SMARCAD1: variants seen among roughly 807,000 people sequenced by gnomAD.
The protein encoded by SMARCAD1 is SNF2 related chromatin remodeling ATPase with DExD box 1, also known as SWI/SNF-related matrix-associated actin-dependent regulator of chromatin subfamily A containing DEAD/H box 1.
A neutral mutation model predicts 127.1 loss-of-function variants in SMARCAD1; 25 were observed. The ratio of observed to expected loss-of-function variants is 0.20; its 90% CI spans 0.14 to 0.27. SMARCAD1 has a LOEUF of 0.27. Ranked by LOEUF, SMARCAD1 falls within the 10% of genes least tolerant of loss-of-function variation. SMARCAD1 has a pLI of 1.00. For missense variants in SMARCAD1, 807 were observed against 1,206.0 expected (o/e 0.67, Z 4.90); for synonymous variants, 400 against 396.9 (o/e 1.01, Z -0.09).
At chr4:94,240,747 T>G (rs1455898952) in intron 5 of SMARCAD1, among the ~76,000 whole-genome samples, 159 bp from the exon 6 acceptor site, 3 of 152,252 alleles carry the variant, frequency 2.0e-5, no homozygotes, top group Non-Finnish European at 4.4e-5. Context: ...ATGTTTACTT[T>G]TTTTTTCAAT....
At chr4:94,220,437 A>G (rs1220079288) in intron 2 of SMARCAD1, among the ~76,000 whole-genome samples, 1 of 151,984 alleles carries the variant, frequency 6.6e-6, no homozygotes, top group African/African-American at 2.4e-5. Flanking sequence ...TAGTAGACAC[A>G]GGGTTTCACC....
At chr4:94,242,666 G>A (rs1364921851) in intron 6 of SMARCAD1, among the ~76,000 whole-genome samples, 2 of 151,880 alleles carry the variant, frequency 1.3e-5, no homozygotes, top group African/African-American at 2.4e-5. Context: ...CATCTTGGGA[G>A]GCTGAGGCAG....
chr4:94,276,220 T>G (rs1753284444), intron 14 of SMARCAD1, 119 bp from the exon 15 acceptor site: 2 of 1,033,414 alleles, frequency 1.9e-6, no homozygotes, highest in South Asian at 1.4e-5. Flanking sequence ...AGTGCTGTGC[T>G]TTAAGTACTG....
chr4:94,280,841 A>G (rs1753907777), intron 20 of SMARCAD1, 61 bp downstream of exon 20: 5 of 1,483,066 alleles, frequency 3.4e-6, no homozygotes, highest in Admixed American at 1.7e-5. Context: ...TCTTAAAGCA[A>G]TTCTGGCACA....
chr4:94,258,909 T>C (rs947477057), intron 9 of SMARCAD1, among the ~76,000 whole-genome samples: 1 of 152,248 alleles, frequency 6.6e-6, no homozygotes, highest in Non-Finnish European at 1.5e-5. Context: ...TTTGTTGTTT[T>C]CTGTTTGTCC....
chr4:94,256,897 T>C (rs931035610), intron 9 of SMARCAD1, among the ~76,000 whole-genome samples: 7 of 152,208 alleles, frequency 4.6e-5, no homozygotes, highest in African/African-American at 1.4e-4. Context: ...TTTATAATAA[T>C]GAATAAGCTT....
chr4:94,240,716 A>G (rs986848040), intron 5 of SMARCAD1, among the ~76,000 whole-genome samples, 190 bp from the exon 6 acceptor site: 1 of 152,208 alleles, frequency 6.6e-6, no homozygotes. Flanking sequence ...AGTGATTTCT[A>G]CTTCTGAAAG....
chr4:94,243,915 T>C (rs775644871), intron 6 of SMARCAD1, among the ~76,000 whole-genome samples: 1 of 152,184 alleles, frequency 6.6e-6, no homozygotes, highest in African/African-American at 2.4e-5. Context: ...AGGGAATGTT[T>C]TGAGTATTAA....
At chr4:94,274,713 A>G in intron 12 of SMARCAD1, 25 bp from the exon 13 acceptor site, 1 of 1,608,140 alleles carries the variant, frequency 6.2e-7, no homozygotes, top group Non-Finnish European at 8.5e-7. Flanking sequence ...TAGCAGATGC[A>G]AATAATGTCT....
intron 20 of SMARCAD1, among the ~76,000 whole-genome samples, 165 bp from the exon 21 acceptor site, chr4:94,281,307 G>A (rs953709932): frequency 1.3e-5 from 2 of 152,180 alleles, no homozygotes; most frequent in Admixed American, 1.3e-4. Flanking sequence ...TAAGACATAC[G>A]TCTTCGGTAT....
chr4:94,276,309 C>A (rs1252424338), intron 14 of SMARCAD1, 30 bp from the exon 15 acceptor site: 2 of 1,612,908 alleles, frequency 1.2e-6, no homozygotes, highest in Non-Finnish European at 1.7e-6. Flanking sequence ...AAAGGTATAA[C>A]CTTAGAGATG....
chr4:94,223,673 A>G (rs1744523277), intron 2 of SMARCAD1, among the ~76,000 whole-genome samples: 1 of 146,426 alleles, frequency 6.8e-6, no homozygotes, highest in African/African-American at 2.5e-5. Context: ...GGTTCAGGTG[A>G]GTCTCCTGCC....
intron 2 of SMARCAD1, among the ~76,000 whole-genome samples, chr4:94,218,998 G>A (rs954590192): frequency 1.3e-5 from 2 of 151,940 alleles, no homozygotes; most frequent in Admixed American, 6.6e-5. Context: ...TTTTAGTAGG[G>A]ACAGGGTTTC....
At chr4:94,273,566 T>G (rs1560560207) in intron 11 of SMARCAD1, 51 bp from the exon 12 acceptor site, 3 of 1,307,410 alleles carry the variant, frequency 2.3e-6, no homozygotes, top group Non-Finnish European at 3.3e-6. Flanking sequence ...TTTTATGTAT[T>G]TATTTTTTGT....
intron 10 of SMARCAD1, among the ~76,000 whole-genome samples, chr4:94,269,703 C>G (rs1752261786): frequency 6.6e-6 from 1 of 151,992 alleles, no homozygotes; most frequent in African/African-American, 2.4e-5. Context: ...GGGTCTGGCT[C>G]TGTCACCCAG....
chr4:94,270,147 C>G (rs1380386455), intron 10 of SMARCAD1, among the ~76,000 whole-genome samples: 6 of 151,536 alleles, frequency 4.0e-5, no homozygotes, highest in Admixed American at 3.9e-4. Flanking sequence ...TAGAAAGTAG[C>G]ATGTAAGTGT....
chr4:94,261,295 T>C (rs1750941928), intron 9 of SMARCAD1, among the ~76,000 whole-genome samples: 2 of 152,202 alleles, frequency 1.3e-5, no homozygotes, highest in Non-Finnish European at 2.9e-5. Context: ...CATTTTACTT[T>C]TTATCTGTTT....
intron 2 of SMARCAD1, among the ~76,000 whole-genome samples, chr4:94,209,348 A>G (rs887924293): frequency 1.1e-4 from 16 of 152,210 alleles, no homozygotes. Context: ...AATGAGATTC[A>G]GAGAGGTTAT....
At chr4:94,242,373 A>G (rs1747727333) in intron 6 of SMARCAD1, among the ~76,000 whole-genome samples, 1 of 152,006 alleles carries the variant, frequency 6.6e-6, no homozygotes, top group African/African-American at 2.4e-5. Context: ...ATATTCTGAG[A>G]TGTTCAGCAA....
Sources: allele counts gnomAD v4.1 joint callset (sites outside exome capture counted in the v4.1 genomes callset), GRCh38; gene constraint gnomAD v4.1.1; transcripts MANE v1.5; gene names NCBI Gene and HGNC (gene_info 2026-07-23, HGNC 2026-07-21).